Variants in EPM2A observed in about 807,000 individuals in gnomAD.
EPM2A encodes laforin.
In EPM2A, 21 loss-of-function variants were observed where a neutral mutation model predicts 26.5. The ratio of observed to expected loss-of-function variants is 0.79; its 90% confidence interval spans 0.56 to 1.14. The LOEUF (loss-of-function observed/expected upper bound fraction) is 1.14. EPM2A is among the 50% of genes most tolerant of loss of function. EPM2A has a pLI of 0.00. For missense variants in EPM2A, 458 were observed against 440.8 expected (o/e 1.04, Z -0.35); for synonymous variants, 217 against 177.6 (o/e 1.22, Z -1.76).
intron 2 of EPM2A, among the ~76,000 whole-genome samples, chr6:145,534,657 A>C (rs543654134): frequency 1.3e-5 from 2 of 152,352 alleles, no homozygotes; most frequent in South Asian, 4.2e-4. Context: ...GAGCAGATGC[A>C]CTAGCTCTCC....
chr6:145,410,504 T>C (rs1360987506), intron 4 of EPM2A, among the ~76,000 whole-genome samples: 1 of 152,202 alleles, frequency 6.6e-6, no homozygotes, highest in African/African-American at 2.4e-5. Flanking sequence ...TCTTTGGAGT[T>C]ATTTAAATTT....
At chr6:145,725,641 T>C (rs1436342115) in intron 1 of EPM2A, among the ~76,000 whole-genome samples, 1 of 152,066 alleles carries the variant, frequency 6.6e-6, no homozygotes, top group African/African-American at 2.4e-5. Context: ...TTAAATATAT[T>C]GTTAAGTGAC....
Position 145,631,559 on chromosome 6 carries a change from G to C in EPM2A, c.718+3686C>G, listed in dbSNP as rs116834017. On this transcript the variant is annotated intron_variant, in intron 3 of 3. Coordinates refer to ENST00000367519, the MANE Select transcript of EPM2A (RefSeq NM_005670.4). ...AAGTCCATGAATAAACACAAGACTA[G>C]AAAAACAGCAATAAAAGCCTATTTG... 2.8e-3 allele frequency: 421 copies of C among 152,186 alleles called. 6 individuals carry two copies. The highest frequency in any genetic ancestry group is 9.7e-3 in the African/African-American group (402 of 41,524). The allele number at this position is 152,186 out of a possible 1,614,324, so 9.4% of individuals were successfully genotyped here. A position where few individuals can be genotyped will look rare whatever the true frequency, so the allele number is the denominator to read the frequency against.
intron 1 of EPM2A, among the ~76,000 whole-genome samples, chr6:145,696,772 G>GGTGTGTGTGT (rs1247280513): frequency 9.0e-6 from 1 of 110,686 alleles, no homozygotes; most frequent in Non-Finnish European, 1.9e-5. Context: ...CACAGGTAGG[G>GGTGTGTGTGT]GTATGTGTGT....
chr6:145,454,999 A>G (rs1402128565), intron 4 of EPM2A, among the ~76,000 whole-genome samples: 1 of 150,408 alleles, frequency 6.6e-6, no homozygotes, highest in African/African-American at 2.4e-5. Flanking sequence ...GCATACATAT[A>G]TATGTGTGTG....
intron 2 of EPM2A, among the ~76,000 whole-genome samples, chr6:145,620,219 C>T (rs1006051470): frequency 3.9e-5 from 6 of 152,182 alleles, no homozygotes; most frequent in African/African-American, 1.4e-4. Context: ...CACTGTTCCA[C>T]CTCAGATCAT....
intron 4 of EPM2A, among the ~76,000 whole-genome samples, chr6:145,458,303 G>A (rs1484824177): frequency 2.6e-5 from 4 of 152,090 alleles, no homozygotes; most frequent in Non-Finnish European, 4.4e-5. Flanking sequence ...TGTTGAGCTC[G>A]GTTGGGAAGG....
At chr6:145,449,399 G>A (rs1779168325) in intron 4 of EPM2A, among the ~76,000 whole-genome samples, 1 of 152,112 alleles carries the variant, frequency 6.6e-6, no homozygotes, top group Non-Finnish European at 1.5e-5. Context: ...TATTTACACA[G>A]AAAAGTTATT....
At chr6:145,611,167 G>T (rs1775384845) in intron 2 of EPM2A, among the ~76,000 whole-genome samples, 1 of 152,014 alleles carries the variant, frequency 6.6e-6, no homozygotes. Flanking sequence ...CTTTATGAAA[G>T]TAATTCCTAG....
chr6:145,679,764 T>C (rs1780359785), intron 2 of EPM2A, among the ~76,000 whole-genome samples: 1 of 152,092 alleles, frequency 6.6e-6, no homozygotes, highest in Admixed American at 6.6e-5. Context: ...CACTTGAACA[T>C]AAAAGATTGG....
intron 2 of EPM2A, among the ~76,000 whole-genome samples, chr6:145,667,542 T>C (rs1473735875): frequency 2.6e-5 from 4 of 151,070 alleles, no homozygotes; most frequent in East Asian, 1.9e-4. Flanking sequence ...TGTGGAGAAA[T>C]AGGAACACTT....
intron 4 of EPM2A, among the ~76,000 whole-genome samples, chr6:145,481,305 A>G (rs1298792801): frequency 1.3e-5 from 2 of 152,138 alleles, no homozygotes; most frequent in Non-Finnish European, 1.5e-5. Context: ...CCAAAATAAA[A>G]GTTTATTTTT....
At chr6:145,575,760 A>G (rs1203222645) in intron 2 of EPM2A, among the ~76,000 whole-genome samples, 1 of 152,186 alleles carries the variant, frequency 6.6e-6, no homozygotes, top group East Asian at 1.9e-4. Flanking sequence ...TGTTCTCCAT[A>G]CTATCAGAAG....
intron 2 of EPM2A, among the ~76,000 whole-genome samples, chr6:145,676,643 A>C (rs191047404): frequency 6.6e-6 from 1 of 152,348 alleles, no homozygotes; most frequent in African/African-American, 2.4e-5. Flanking sequence ...AGAGAATACT[A>C]TAAACACCTC....
intron 4 of EPM2A, among the ~76,000 whole-genome samples, chr6:145,486,936 C>A (rs1779685606): frequency 6.6e-6 from 1 of 152,024 alleles, no homozygotes; most frequent in South Asian, 2.1e-4. Flanking sequence ...CAGATTATTT[C>A]ATCACCCTCT....
At chr6:145,478,445 A>T (rs370262234) in intron 4 of EPM2A, among the ~76,000 whole-genome samples, 23 of 151,958 alleles carry the variant, frequency 1.5e-4, no homozygotes, top group African/African-American at 5.5e-4. Context: ...TGTATATGGA[A>T]CCACGAAAGA....
At chr6:145,452,638 G>T (rs1458823532) in intron 4 of EPM2A, among the ~76,000 whole-genome samples, 1 of 147,072 alleles carries the variant, frequency 6.8e-6, no homozygotes, top group Non-Finnish European at 1.5e-5. Context: ...GCAGTGAGCC[G>T]AGATCACGCC....
At chr6:145,575,834 A>G (rs984433648) in intron 2 of EPM2A, among the ~76,000 whole-genome samples, 5 of 152,314 alleles carry the variant, frequency 3.3e-5, no homozygotes, top group Non-Finnish European at 4.4e-5. Flanking sequence ...CCCAAAACCA[A>G]TGAAAGAACT....
At chr6:145,558,561 T>C (rs1203145755) in intron 2 of EPM2A, among the ~76,000 whole-genome samples, 1 of 152,094 alleles carries the variant, frequency 6.6e-6, no homozygotes, top group East Asian at 1.9e-4. Flanking sequence ...GTACAAGGGT[T>C]TTCTTTTCCC....
Sources: allele counts gnomAD v4.1 joint callset (sites outside exome capture counted in the v4.1 genomes callset), GRCh38; gene constraint gnomAD v4.1.1; transcripts MANE v1.5; gene names NCBI Gene and HGNC (gene_info 2026-07-23, HGNC 2026-07-21).